The following NRG1 variants were observed in gnomAD, a reference collection of about 807,000 sequenced individuals.
NRG1 encodes neuregulin 1.
A neutral mutation model predicts 63.8 loss-of-function variants in NRG1; 18 were observed. That is an observed-to-expected ratio of 0.28 (90% CI 0.19 to 0.42). NRG1 has a LOEUF of 0.42. Ranked by LOEUF, NRG1 falls within the 10% of genes least tolerant of loss-of-function variation. The pLI is 1.00. For missense variants in NRG1, 762 were observed against 814.7 expected (o/e 0.94, Z 0.79); for synonymous variants, 302 against 301.3 (o/e 1.00, Z -0.02).
intron 1 of NRG1, among the ~76,000 whole-genome samples, chr8:32,210,427 C>T (rs1038582): frequency 0.8 from 121,795 of 152,010 alleles, 49,527 homozygotes; most frequent in African/African-American, 0.92. Flanking sequence ...GCTGTAAAAA[C>T]AGCTTTCATC....
chr8:32,646,983 G>A (rs1853691248), intron 5 of NRG1: 2 of 984,880 alleles, frequency 2.0e-6, no homozygotes, highest in Admixed American at 6.2e-5. Context: ...GCAGAGAAGA[G>A]CCGCAGAGGA....
At chr8:31,926,753 G>T in intron 1 of NRG1, among the ~76,000 whole-genome samples, 1 of 152,126 alleles carries the variant, frequency 6.6e-6, no homozygotes, top group African/African-American at 2.4e-5. Flanking sequence ...GTAGGCTAAA[G>T]TTAGAAAAGC....
At chr8:31,666,047 TCTC>T (rs1806506910) in intron 1 of NRG1, among the ~76,000 whole-genome samples, 1 of 152,138 alleles carries the variant, frequency 6.6e-6, no homozygotes, top group Non-Finnish European at 1.5e-5. Context: ...GAGAGCCTCT[TCTC>T]CTGGAAAATA....
intron 1 of NRG1, among the ~76,000 whole-genome samples, chr8:31,669,119 G>A (rs984827175): frequency 6.6e-6 from 1 of 151,894 alleles, no homozygotes; most frequent in Non-Finnish European, 1.5e-5. Flanking sequence ...GTAGTGGTGC[G>A]GTCATGGCTC....
intron 3 of NRG1, among the ~76,000 whole-genome samples, chr8:32,607,493 T>C (rs946446470): frequency 6.6e-6 from 1 of 152,188 alleles, no homozygotes; most frequent in African/African-American, 2.4e-5. Flanking sequence ...AAGTATCATA[T>C]TGATTATTCC....
chr8:31,778,073 G>T (rs1322709392), intron 1 of NRG1, among the ~76,000 whole-genome samples: 1 of 152,154 alleles, frequency 6.6e-6, no homozygotes, highest in Non-Finnish European at 1.5e-5. Context: ...TTCACGATTG[G>T]TTAAAACTTC....
intron 5 of NRG1, among the ~76,000 whole-genome samples, chr8:32,655,042 C>A (rs1272362300): frequency 6.6e-6 from 1 of 152,100 alleles, no homozygotes; most frequent in African/African-American, 2.4e-5. Flanking sequence ...ATATACATGT[C>A]TTGAGGCTGT....
chr8:32,072,980 T>A (rs1271743810), intron 1 of NRG1, among the ~76,000 whole-genome samples: 1 of 147,554 alleles, frequency 6.8e-6, no homozygotes, highest in East Asian at 2.0e-4. Flanking sequence ...GCTTCGGTCC[T>A]AAATATAGTG....
chr8:32,033,393 G>C (rs1050040514), intron 1 of NRG1, among the ~76,000 whole-genome samples: 2 of 152,078 alleles, frequency 1.3e-5, no homozygotes, highest in African/African-American at 4.8e-5. Context: ...ATGCCTCCAG[G>C]TTTGCTCTTT....
intron 1 of NRG1, among the ~76,000 whole-genome samples, chr8:32,095,353 A>G (rs1829769252): frequency 1.3e-5 from 2 of 152,198 alleles, no homozygotes; most frequent in South Asian, 4.1e-4. Flanking sequence ...AGTTTCCCAT[A>G]TCCTCTGAAT....
At position 32,478,691 on chromosome 8, in the gene NRG1, G is replaced by A. The variant is rs537627851; in HGVS notation, c.38-117137G>A. ...GAAGTGTAGACCACATGATGACAGC[G>A]GGATAAAGACAAAGGAGAAGGTAAT... On this transcript the variant is annotated intron_variant, in intron 1 of 10. Coordinates refer to the NRG1 transcript ENST00000519301. Among the ~76,000 whole-genome samples, 8 of 152,214 alleles carry A rather than the reference G, an allele frequency of 5.3e-5. No individual in the cohort carries two copies. In the South Asian group the frequency reaches 8.3e-4, roughly 16 times the overall value.
At chr8:32,209,196 A>G (rs1213064931) in intron 1 of NRG1, among the ~76,000 whole-genome samples, 2 of 152,172 alleles carry the variant, frequency 1.3e-5, no homozygotes, top group Non-Finnish European at 2.9e-5. Context: ...GTTTCTCTCC[A>G]TGGACTATTT....
intron 7 of NRG1, among the ~76,000 whole-genome samples, chr8:32,748,207 A>G (rs910976279): frequency 6.6e-5 from 10 of 152,098 alleles, no homozygotes; most frequent in African/African-American, 2.2e-4. Flanking sequence ...ACCTTGCCAT[A>G]TCATTGAATA....
intron 6 of NRG1, among the ~76,000 whole-genome samples, chr8:32,739,071 C>G (rs574270212): frequency 1.3e-5 from 2 of 152,252 alleles, no homozygotes; most frequent in East Asian, 3.9e-4. Flanking sequence ...GAAAAGAGGT[C>G]TTTGATAATC....
At chr8:32,119,406 T>G (rs536848775) in intron 1 of NRG1, among the ~76,000 whole-genome samples, 6 of 152,196 alleles carry the variant, frequency 3.9e-5, no homozygotes, top group Non-Finnish European at 8.8e-5. Flanking sequence ...TCCAGAAAAT[T>G]TCTAGTAGTT....
In NRG1 at chr8:32,275,187, C is replaced by T. The variant is rs113156771; in HGVS notation, c.38-320641C>T. ...TGTGTTCCTGTGGAGCCTCCTTCCT[C>T]TCCAAGGAATTTGTCGCATGGGACT... is the stretch of plus-strand genomic sequence containing the variant. On this transcript the variant is annotated intron_variant, in intron 1 of 10. Coordinates refer to the NRG1 transcript ENST00000519301. Among the ~76,000 whole-genome samples, 230 of 152,272 alleles carry T rather than the reference C, an allele frequency of 1.5e-3. 1 individual carries two copies. The highest frequency in any genetic ancestry group is 5.4e-3 in the African/African-American group (226 of 41,560).
chr8:31,842,684 G>A (rs1826304628), intron 1 of NRG1, among the ~76,000 whole-genome samples: 2 of 152,000 alleles, frequency 1.3e-5, no homozygotes, highest in South Asian at 4.2e-4. Context: ...GCCAGGAAAT[G>A]CATCATTTTA....
chr8:31,852,853 T>A (rs1241139771), intron 1 of NRG1, among the ~76,000 whole-genome samples: 1 of 152,190 alleles, frequency 6.6e-6, no homozygotes, highest in Admixed American at 6.5e-5. Context: ...CCAGCACCAT[T>A]TATTAAATAG....
chr8:31,731,377 T>C (rs1436930831), intron 1 of NRG1, among the ~76,000 whole-genome samples: 3 of 151,410 alleles, frequency 2.0e-5, no homozygotes, highest in Non-Finnish European at 4.4e-5. Flanking sequence ...AGGAAAATCC[T>C]TGAGGTAAAG....
Sources: allele counts gnomAD v4.1 joint callset (sites outside exome capture counted in the v4.1 genomes callset), GRCh38; gene constraint gnomAD v4.1.1; transcripts MANE v1.5; gene names NCBI Gene and HGNC (gene_info 2026-07-23, HGNC 2026-07-21).